Variants in PSD3 observed in about 807,000 individuals in gnomAD.
PSD3 encodes pleckstrin and Sec7 domain containing 3.
Under a neutral mutation model 105.5 loss-of-function variants are expected in PSD3, and 49 were observed. That is an observed-to-expected ratio of 0.46 (90% confidence interval 0.37 to 0.59). The LOEUF (loss-of-function observed/expected upper bound fraction) is 0.59. Ranked by LOEUF, PSD3 falls within the 20% of genes least tolerant of loss-of-function variation. The pLI is 0.00. For missense variants in PSD3, 1,561 were observed against 1,263.8 expected, an observed-to-expected ratio of 1.24 and a Z score of -3.57; for synonymous variants, 557 against 457.8, an observed-to-expected ratio of 1.22 and a Z score of -2.77.
chr8:18,952,207 C>T (rs1190774163), intron 1 of PSD3, among the ~76,000 whole-genome samples: 1 of 152,170 alleles, frequency 6.6e-6, no homozygotes, highest in African/African-American at 2.4e-5. Flanking sequence ...TCCTCCCCTA[C>T]CCACATGCCT....
At chr8:18,635,086 G>A (rs1033167428) in intron 10 of PSD3, among the ~76,000 whole-genome samples, 5 of 152,048 alleles carry the variant, frequency 3.3e-5, no homozygotes, top group Non-Finnish European at 7.4e-5. Context: ...AAATACTATT[G>A]TTATTTAATT....
intron 2 of PSD3, among the ~76,000 whole-genome samples, chr8:18,896,503 C>T (rs569290982): frequency 6.6e-6 from 1 of 152,160 alleles, no homozygotes; most frequent in Admixed American, 6.5e-5. Flanking sequence ...AGCCTTGACC[C>T]CCTGGGATCA....
intron 1 of PSD3, among the ~76,000 whole-genome samples, chr8:19,022,147 G>A (rs890276896): frequency 2.6e-5 from 4 of 152,166 alleles, no homozygotes; most frequent in African/African-American, 9.7e-5. Context: ...TGTGAACTCA[G>A]AGCAAGAACT....
chr8:18,871,941 C>G lies in PSD3; in HGVS notation c.923G>C (p.Trp308Ser). 1 of 1,614,160 alleles carries G rather than the reference C, an allele frequency of 6.2e-7. No individual in the cohort carries two copies. Among genetic ancestry groups the G allele is most frequent in the Non-Finnish European group, 8.5e-7 (1 of 1,180,018 alleles). The part of the protein sequence containing the change: ...HVEFQGVEIL[W>S]TGGDKRETQH... ...GGTCTCTCTCTTGTCTCCTCCTGTC[C>G]ACAGTATTTCCACTCCTTGAAATTC... Residue 308 changes from tryptophan (W) to serine (S), a missense_variant, in exon 3 of 16, where the codon TGG (tryptophan) becomes TCG (serine). By Grantham distance (177) the Trp-to-Ser change is radical. Transcript: ENST00000327040.
chr8:18,826,053 A>C (rs568297371), intron 4 of PSD3, among the ~76,000 whole-genome samples: 3 of 152,186 alleles, frequency 2.0e-5, no homozygotes, highest in Non-Finnish European at 2.9e-5. Flanking sequence ...TATCATCCAA[A>C]GCCCAAAGGC....
chr8:18,713,093 G>C (rs575466529), intron 9 of PSD3, among the ~76,000 whole-genome samples: 1 of 152,228 alleles, frequency 6.6e-6, no homozygotes, highest in South Asian at 2.1e-4. Flanking sequence ...ATCCCTTCAT[G>C]TTAAAAATTC....
intron 11 of PSD3, among the ~76,000 whole-genome samples, chr8:18,602,525 C>G: frequency 6.6e-6 from 1 of 151,998 alleles, no homozygotes; most frequent in Non-Finnish European, 1.5e-5. Context: ...ATAATCCTCC[C>G]AAAAAGATAA....
chr8:19,079,158 G>A (rs904946234), intron 1 of PSD3, among the ~76,000 whole-genome samples: 8 of 152,052 alleles, frequency 5.3e-5, no homozygotes, highest in African/African-American at 7.2e-5. Flanking sequence ...GCAAGAGAAC[G>A]TTGTCATGGG....
intron 1 of PSD3, among the ~76,000 whole-genome samples, chr8:18,937,630 C>A (rs111601211): frequency 6.6e-6 from 1 of 152,118 alleles, no homozygotes; most frequent in South Asian, 2.1e-4. Flanking sequence ...GTTCATAACG[C>A]GTCAAATGTA....
intron 4 of PSD3, among the ~76,000 whole-genome samples, chr8:18,835,763 G>C (rs751029570): frequency 3.3e-5 from 5 of 152,314 alleles, no homozygotes; most frequent in Admixed American, 6.5e-5. Flanking sequence ...CAAAGGCCCC[G>C]AGGTGGAAGC....
At chr8:19,009,804 T>C (rs1826870866) in intron 1 of PSD3, among the ~76,000 whole-genome samples, 1 of 147,882 alleles carries the variant, frequency 6.8e-6, no homozygotes, top group Non-Finnish European at 1.5e-5. Context: ...GACAGGAGAA[T>C]TGCTTGAGTC....
At chr8:18,953,785 G>A (rs1430221189) in intron 1 of PSD3, among the ~76,000 whole-genome samples, 17 of 151,864 alleles carry the variant, frequency 1.1e-4, no homozygotes, top group Admixed American at 9.2e-4. Context: ...CTAAATAAAC[G>A]ATAGGATGGA....
intron 8 of PSD3, among the ~76,000 whole-genome samples, chr8:18,798,651 A>C (rs1450906638): frequency 2.0e-5 from 3 of 152,000 alleles, no homozygotes; most frequent in Non-Finnish European, 4.4e-5. Flanking sequence ...TTAAATATGG[A>C]CTAATCTATA....
At chr8:18,961,535 G>T (rs558323905) in intron 1 of PSD3, among the ~76,000 whole-genome samples, 45 of 151,932 alleles carry the variant, frequency 3.0e-4, no homozygotes, top group African/African-American at 9.9e-4. Context: ...CTAAAAAATA[G>T]AAAAATTAGC....
chr8:18,713,086 C>G (rs986628238), intron 9 of PSD3, among the ~76,000 whole-genome samples: 7 of 152,084 alleles, frequency 4.6e-5, no homozygotes, highest in Non-Finnish European at 1.0e-4. Context: ...ATTCAATATC[C>G]CTTCATGTTA....
chr8:18,919,096 T>A (rs946843066), intron 2 of PSD3, among the ~76,000 whole-genome samples: 1 of 152,168 alleles, frequency 6.6e-6, no homozygotes, highest in Non-Finnish European at 1.5e-5. Flanking sequence ...GGATATATAA[T>A]TTACCTGCAA....
chr8:18,639,593 C>A (rs1163550555), intron 10 of PSD3, among the ~76,000 whole-genome samples: 1 of 152,126 alleles, frequency 6.6e-6, no homozygotes, highest in Non-Finnish European at 1.5e-5. Flanking sequence ...TGGACACAGA[C>A]ACACACATAC....
At chr8:18,803,171 C>A in intron 6 of PSD3, 1 of 241,356 alleles carries the variant, frequency 4.1e-6, no homozygotes, top group Non-Finnish European at 8.5e-6. Context: ...CCTGTAGTCC[C>A]AGTTATTCGG....
At chr8:18,843,533 G>T (rs994532188) in intron 4 of PSD3, among the ~76,000 whole-genome samples, 1 of 152,160 alleles carries the variant, frequency 6.6e-6, no homozygotes, top group Non-Finnish European at 1.5e-5. Flanking sequence ...AGAGCACTCT[G>T]TATTCTGGGT....
Sources: allele counts gnomAD v4.1 joint callset (sites outside exome capture counted in the v4.1 genomes callset), GRCh38; gene constraint gnomAD v4.1.1; transcripts MANE v1.5; gene names NCBI Gene and HGNC (gene_info 2026-07-23, HGNC 2026-07-21).